NBEA: variants seen among roughly 807,000 people sequenced by gnomAD.
NBEA encodes neurobeachin.
A neutral mutation model predicts 343.4 loss-of-function variants in NBEA; 44 were observed. The observed-to-expected ratio is 0.13, with a 90% CI of 0.10 to 0.16. The LOEUF is 0.16. Ranked by LOEUF, NBEA falls within the 10% of genes least tolerant of loss-of-function variation. The pLI is 1.00. For synonymous variants in NBEA, 1,175 were observed against 1,238.7 expected, an observed-to-expected ratio of 0.95 and a Z score of 1.08; for missense variants, 2,555 against 3,631.3, an observed-to-expected ratio of 0.70 and a Z score of 7.62.
intron 38 of NBEA, among the ~76,000 whole-genome samples, chr13:35,381,302 G>A (rs74054525): frequency 0.017 from 2,645 of 152,062 alleles, 51 homozygotes; most frequent in African/African-American, 0.044. Context: ...TCTGTAATAT[G>A]TCACAGCAGA....
chr13:35,337,594 C>T (rs1269201233), intron 36 of NBEA, among the ~76,000 whole-genome samples: 1 of 151,958 alleles, frequency 6.6e-6, no homozygotes, highest in East Asian at 1.9e-4. Context: ...GGATAGAACA[C>T]CTAGACTGAA....
chr13:35,064,741 AAGGGG>A (rs2063588282), intron 8 of NBEA, among the ~76,000 whole-genome samples: 1 of 151,642 alleles, frequency 6.6e-6, no homozygotes, highest in African/African-American at 2.4e-5. Flanking sequence ...TATCCTTATA[AAGGGG>A]AGGAAATTAG....
intron 17 of NBEA, among the ~76,000 whole-genome samples, chr13:35,135,993 A>G (rs1239287779): frequency 6.6e-6 from 1 of 152,066 alleles, no homozygotes; most frequent in Non-Finnish European, 1.5e-5. Context: ...CTTCCAGATC[A>G]AGTTGATAAA....
At position 35,128,726 on chromosome 13, in the gene NBEA, G is replaced by C. The variant is rs552541341; in HGVS notation, c.2336+5152G>C. 2.6e-5 allele frequency among the ~76,000 whole-genome samples: 4 copies of C among 152,262 alleles called. No homozygotes were observed. In the South Asian group the frequency reaches 8.3e-4, roughly 32 times the overall value. ...CATCTAAAGGGGCCTACTAGCCAGA[G>C]GCAGGATGAGAGAATCATCAAACTG... is the stretch of plus-strand genomic sequence containing the variant. On this transcript the variant is annotated intron_variant, in intron 17 of 58. Transcript: ENST00000379939.
chr13:35,232,488 A>G lies in NBEA; in HGVS notation c.5649-4A>G. 6.5e-7 allele frequency: 1 copy of G among 1,531,496 alleles called. No homozygotes were observed. Among genetic ancestry groups the G allele is most frequent in the Non-Finnish European group, 8.8e-7 (1 of 1,136,098 alleles). 94.9% of individuals were successfully genotyped at this position (1,531,496 alleles called of 1,614,324 possible). A position where few individuals can be genotyped will look rare whatever the true frequency, so the allele number is the denominator to read the frequency against. On this transcript the variant is annotated splice_region_variant and splice_polypyrimidine_tract_variant and intron_variant, in intron 33 of 58. Transcript: ENST00000379939. The stretch of plus-strand genomic sequence containing the variant: ...TATTAGTTTTTATGTCTTAATTTCA[A>G]CAGCATCACTGCAAAACTTGAAAGA...
intron 37 of NBEA, among the ~76,000 whole-genome samples, chr13:35,351,355 T>C (rs576201389): frequency 1.9e-4 from 29 of 152,042 alleles, no homozygotes; most frequent in African/African-American, 7.0e-4. Context: ...GTATAAAAAC[T>C]ACAATAACAA....
At chr13:35,364,245 C>G (rs931869122) in intron 38 of NBEA, among the ~76,000 whole-genome samples, 2 of 151,774 alleles carry the variant, frequency 1.3e-5, no homozygotes, top group Non-Finnish European at 2.9e-5. Flanking sequence ...CCTATACAAC[C>G]CATATACACA....
In NBEA at chr13:35,671,400, A is replaced by C. The variant is rs1035698779; in HGVS notation, c.*409A>C. 4.5e-5 allele frequency: 7 copies of C among 157,164 alleles called. No individual in the cohort carries two copies. Among genetic ancestry groups the C allele is most frequent in the African/African-American group, 1.7e-4 (7 of 41,586 alleles). 9.7% of individuals were successfully genotyped at this position (157,164 alleles called of 1,614,324 possible). On this transcript the variant is annotated 3_prime_UTR_variant, in exon 59 of 59. Coordinates refer to ENST00000379939, the MANE Select transcript of NBEA (RefSeq NM_001385012.1). ...TCTTTTCAAGCTGAGAAAAAAAAAA[A>C]AAAACACGTTTGATACTTTGTACAT...
intron 44 of NBEA, among the ~76,000 whole-genome samples, chr13:35,565,455 T>C (rs1287338649): frequency 6.6e-6 from 1 of 152,104 alleles, no homozygotes; most frequent in Non-Finnish European, 1.5e-5. Flanking sequence ...TTCCTGATGA[T>C]GAACAAGATA....
At chr13:35,335,580 G>T (rs1566633116) in intron 36 of NBEA, among the ~76,000 whole-genome samples, 1 of 151,958 alleles carries the variant, frequency 6.6e-6, no homozygotes, top group Non-Finnish European at 1.5e-5. Flanking sequence ...GATAAGTTAG[G>T]TGTATTGAAT....
intron 38 of NBEA, among the ~76,000 whole-genome samples, chr13:35,376,409 C>T (rs2041744819): frequency 6.6e-6 from 1 of 152,090 alleles, no homozygotes; most frequent in African/African-American, 2.4e-5. Context: ...AGCCTGAATT[C>T]TCTCATTTTT....
intron 1 of NBEA, among the ~76,000 whole-genome samples, chr13:35,017,000 C>A (rs923668492): frequency 6.6e-6 from 1 of 152,064 alleles, no homozygotes; most frequent in African/African-American, 2.4e-5. Context: ...CAGGTTTTGT[C>A]GACTGTGAGA....
chr13:35,542,154 C>G (rs1240993807), intron 41 of NBEA, among the ~76,000 whole-genome samples: 3 of 22,204 alleles, frequency 1.4e-4, no homozygotes, highest in Admixed American at 4.7e-4. Flanking sequence ...GTTTTGACAC[C>G]CCCCCCCCAC....
intron 38 of NBEA, among the ~76,000 whole-genome samples, chr13:35,356,493 G>A (rs534245351): frequency 1.3e-5 from 2 of 152,228 alleles, no homozygotes; most frequent in South Asian, 4.1e-4. Flanking sequence ...ACTTGTAAAT[G>A]CAAGAAAAAT....
At chr13:35,366,646 A>T (rs1311390554) in intron 38 of NBEA, among the ~76,000 whole-genome samples, 1 of 151,168 alleles carries the variant, frequency 6.6e-6, no homozygotes, top group Non-Finnish European at 1.5e-5. Context: ...TCAAACATAA[A>T]TTTTTAACTA....
At chr13:35,658,215 ATAT>A (rs920025409) in intron 55 of NBEA, among the ~76,000 whole-genome samples, 1 of 152,202 alleles carries the variant, frequency 6.6e-6, no homozygotes, top group African/African-American at 2.4e-5. Flanking sequence ...TATCTTAAAG[ATAT>A]TATGACAAAA....
At chr13:35,316,622 C>T (rs2037744978) in intron 36 of NBEA, among the ~76,000 whole-genome samples, 1 of 151,946 alleles carries the variant, frequency 6.6e-6, no homozygotes, top group Admixed American at 6.6e-5. Flanking sequence ...GGGTATATAC[C>T]CAGTAATGGG....
chr13:35,318,008 G>T (rs1446438209), intron 36 of NBEA, among the ~76,000 whole-genome samples: 1 of 152,092 alleles, frequency 6.6e-6, no homozygotes, highest in African/African-American at 2.4e-5. Context: ...GGGCTGAGAC[G>T]ATGGAGTTTT....
intron 1 of NBEA, among the ~76,000 whole-genome samples, chr13:35,030,905 G>A (rs2062189200): frequency 6.6e-6 from 1 of 151,652 alleles, no homozygotes; most frequent in African/African-American, 2.4e-5. Context: ...AACAGAGCCT[G>A]ATTGTTAGAA....
Sources: gnomAD v4.1 joint callset for allele counts (sites outside exome capture counted in the v4.1 genomes callset) on GRCh38, gnomAD v4.1.1 for gene constraint, MANE v1.5 for transcripts, NCBI Gene and HGNC (gene_info 2026-07-23, HGNC 2026-07-21) for gene names.